Variants in DNAAF9 observed in about 807,000 individuals in gnomAD.
DNAAF9 encodes the protein shulin.
A neutral mutation model predicts 167.0 loss-of-function variants in DNAAF9; 90 were observed. The ratio of observed to expected loss-of-function variants is 0.54; its 90% CI spans 0.45 to 0.64. The LOEUF (loss-of-function observed/expected upper bound fraction) is 0.64. DNAAF9 is among the 30% of genes least tolerant of loss of function. The probability of loss-of-function intolerance (pLI) is 0.00; values close to 1 mark genes in which losing one functional copy is unlikely to be tolerated. For synonymous variants in DNAAF9, 491 were observed against 508.8 expected, an observed-to-expected ratio of 0.96 and a Z score of 0.47; for missense variants, 1,315 against 1,442.2, an observed-to-expected ratio of 0.91 and a Z score of 1.43.
intron 6 of DNAAF9, among the ~76,000 whole-genome samples, chr20:3,364,745 G>C (rs6051798): frequency 6.6e-6 from 1 of 151,958 alleles, no homozygotes; most frequent in Non-Finnish European, 1.5e-5. Context: ...TAAAAAATGC[G>C]AACAATCAAC....
rs778428145 is a variant in DNAAF9 at position 3,264,462 on chromosome 20, G to C, written c.2849C>G (p.Ser950Cys). Residue 950 changes from serine (S) to cysteine (C), a missense_variant, in exon 31 of 37, where the codon TCT becomes TGT. Physicochemically the swap from Ser to Cys is moderately radical, Grantham distance 112. Around this residue, in one of 2 missense-constraint regions of DNAAF9, gnomAD observed 334 missense variants for 429.7 expected, o/e 0.78. Coordinates refer to ENST00000252032, the MANE Select transcript of DNAAF9 (RefSeq NM_001009984.3). Reference sequence around the variant, plus strand: ...CCAGCCAGGATACATTAAATATCGAGATCGTAGCATCTCAGGACTTGAAAA... The same window carrying C: ...CCAGCCAGGATACATTAAATATCGACATCGTAGCATCTCAGGACTTGAAAA... ...NSFSSPEMLR[S>C]RYLMYPGWYE... 6.5e-7 allele frequency: 1 copy of C among 1,533,978 alleles called. No individual in the cohort carries two copies.
intron 1 of DNAAF9, among the ~76,000 whole-genome samples, chr20:3,388,634 T>A (rs964260057): frequency 6.6e-6 from 1 of 152,180 alleles, no homozygotes; most frequent in Non-Finnish European, 1.5e-5. Flanking sequence ...TTCTGACACA[T>A]GCTACAATAT....
chr20:3,330,756 C>T (rs942921473), intron 11 of DNAAF9, 74 bp from the exon 12 acceptor site: 8 of 779,356 alleles, frequency 1.0e-5, no homozygotes, highest in Admixed American at 2.6e-5. Context: ...GCTAGAAATG[C>T]TTAATTTACC....
Position 3,326,277 on chromosome 20 carries a change from A to G in DNAAF9, c.1108T>C (p.Leu370=), listed in dbSNP as rs1269111790. 1.2e-6 allele frequency: 2 copies of G among 1,611,130 alleles called. No homozygotes were observed. Among genetic ancestry groups the G allele is most frequent in the Admixed American group, 3.3e-5 (2 of 59,884 alleles). ...ATAACAGCAGCATATATCTGGGACA[A>G]TAGCCTACTTTAAAAACAAAAAATA... ...LPKKTEQIRL[L]SQIYAAVIEA... is the part of the protein sequence containing the mutation. The change falls in exon 13 of 37, where the codon TTG becomes CTG. Residue 370 remains leucine (L), a synonymous_variant. Coordinates refer to ENST00000252032, the MANE Select transcript of DNAAF9 (RefSeq NM_001009984.3).
At chr20:3,287,893 T>C (rs894275558) in intron 26 of DNAAF9, 103 bp from the exon 27 acceptor site, 1 of 1,023,258 alleles carries the variant, frequency 9.8e-7, no homozygotes, top group African/African-American at 1.6e-5. Flanking sequence ...AAAGCCATTC[T>C]GCCCAGTGAA....
At chr20:3,253,045 T>G (rs990209500) in intron 36 of DNAAF9, among the ~76,000 whole-genome samples, 30 of 152,202 alleles carry the variant, frequency 2.0e-4, no homozygotes, top group Non-Finnish European at 1.2e-4. Flanking sequence ...ACTCACAGGC[T>G]GGGCGCAGTG....
intron 7 of DNAAF9, among the ~76,000 whole-genome samples, chr20:3,357,630 CT>C (rs201275325): frequency 2.0e-5 from 1 of 49,866 alleles, no homozygotes; most frequent in East Asian, 6.2e-4. Flanking sequence ...ACCCATCCAG[CT>C]TTATCTTTTA....
intron 31 of DNAAF9, among the ~76,000 whole-genome samples, chr20:3,263,036 G>A (rs928970713): frequency 2.9e-5 from 4 of 139,918 alleles, no homozygotes; most frequent in Non-Finnish European, 6.0e-5. Context: ...GTGCAGTGGC[G>A]TGATCTCAGC....
chr20:3,293,765 G>A (rs2069012163), intron 25 of DNAAF9, among the ~76,000 whole-genome samples: 1 of 151,812 alleles, frequency 6.6e-6, no homozygotes, highest in Admixed American at 6.6e-5. Flanking sequence ...AATAACATGG[G>A]TGCCCTTCCC....
At chr20:3,329,928 C>T (rs1356499395) in intron 12 of DNAAF9, among the ~76,000 whole-genome samples, 2 of 152,214 alleles carry the variant, frequency 1.3e-5, no homozygotes, top group African/African-American at 2.4e-5. Context: ...AGTGTTCACA[C>T]CCTCTCACTA....
intron 31 of DNAAF9, among the ~76,000 whole-genome samples, chr20:3,260,812 T>C (rs560679472): frequency 2.6e-5 from 4 of 152,304 alleles, no homozygotes; most frequent in African/African-American, 9.6e-5. Context: ...TTGTATTGTT[T>C]GTAGAGACGA....
intron 3 of DNAAF9, 75 bp downstream of exon 3, chr20:3,381,304 A>T: frequency 1.7e-6 from 2 of 1,205,438 alleles, no homozygotes; most frequent in East Asian, 5.1e-5. Context: ...TTCCATAAGA[A>T]GACCATAAAA....
intron 20 of DNAAF9, among the ~76,000 whole-genome samples, chr20:3,306,201 TC>T (rs946460824): frequency 1.3e-5 from 2 of 152,132 alleles, no homozygotes; most frequent in African/African-American, 4.8e-5. Context: ...TTCTGAAATC[TC>T]CAGCCCAGCA....
rs34199778 is a variant in DNAAF9, at chr20:3,300,678, AAATAATAATAATAATAAT to A, written c.1783-2521_1783-2504del. 3.3e-3 allele frequency among the ~76,000 whole-genome samples: 444 copies of A among 134,076 alleles called. 2 individuals are homozygous for A. The highest frequency in any genetic ancestry group is 0.01 in the African/African-American group (382 of 36,606). The allele number at this position is 134,076 out of a possible 152,430, so 88.0% of individuals were successfully genotyped here. ...TGGGTGACAGAGCGAGACTCCATCTAAATAATAATAATAATAATAATAATAATAATAATAATAATAATA... is the reference window on the plus strand; with the variant it reads ...TGGGTGACAGAGCGAGACTCCATCTAAATAATAATAATAATAATAATAATA... On this transcript the variant is annotated intron_variant, in intron 21 of 36. Transcript: ENST00000252032.
intron 8 of DNAAF9, among the ~76,000 whole-genome samples, chr20:3,344,339 G>A (rs1048424300): frequency 2.0e-5 from 3 of 151,766 alleles, no homozygotes; most frequent in African/African-American, 7.3e-5. Context: ...AAATTCAAAT[G>A]GTAATTTTAA....
chr20:3,294,505 C>G (rs2069028183), intron 24 of DNAAF9, 23 bp downstream of exon 24: 1 of 1,492,602 alleles, frequency 6.7e-7, no homozygotes, highest in Non-Finnish European at 9.3e-7. Flanking sequence ...TATTAAACAT[C>G]TATAAACAGA....
intron 3 of DNAAF9, among the ~76,000 whole-genome samples, chr20:3,379,962 G>A (rs1158407487): frequency 6.6e-6 from 1 of 152,198 alleles, no homozygotes; most frequent in East Asian, 1.9e-4. Context: ...GGAGGCTGAG[G>A]CAGAGGAATC....
At chr20:3,368,697 T>G (rs2083465449) in intron 6 of DNAAF9, among the ~76,000 whole-genome samples, 1 of 151,912 alleles carries the variant, frequency 6.6e-6, no homozygotes, top group South Asian at 2.1e-4. Context: ...ATTTTTTTTT[T>G]TAAGTAGAGA....
At chr20:3,374,897 C>T in intron 5 of DNAAF9, 133 bp downstream of exon 5, 1 of 631,136 alleles carries the variant, frequency 1.6e-6, no homozygotes, top group Non-Finnish European at 2.8e-6. Context: ...ATACTTAATT[C>T]TGCTTGATGT....
Sources: allele counts gnomAD v4.1 joint callset (sites outside exome capture counted in the v4.1 genomes callset), GRCh38; gene constraint gnomAD v4.1.1; regional missense constraint gnomAD v4.1.1; transcripts MANE v1.5; gene names NCBI Gene and HGNC (gene_info 2026-07-23, HGNC 2026-07-21).